The following NARS2 variants were observed in gnomAD, a reference collection of about 807,000 sequenced individuals.
NARS2 encodes the protein asparaginyl-tRNA synthetase.
NARS2 carries 60 observed loss-of-function variants against 62.9 expected under a neutral mutation model. That is an observed-to-expected ratio of 0.95 (90% confidence interval 0.77 to 1.18). The LOEUF (loss-of-function observed/expected upper bound fraction) is 1.18, where lower values mean the gene tolerates loss of function less well. NARS2 is among the 50% of genes most tolerant of loss of function. The probability of loss-of-function intolerance (pLI) is 0.00; values close to 1 mark genes in which losing one functional copy is unlikely to be tolerated. For missense variants in NARS2, 619 were observed against 576.4 expected, an observed-to-expected ratio of 1.07 and a Z score of -0.76; for synonymous variants, 196 against 200.0, an observed-to-expected ratio of 0.98 and a Z score of 0.17.
intron 6 of NARS2, among the ~76,000 whole-genome samples, chr11:78,520,453 G>A (rs1269136510): frequency 6.6e-6 from 1 of 152,174 alleles, no homozygotes; most frequent in East Asian, 1.9e-4. Flanking sequence ...CCCTAATCCA[G>A]TATGACATCA....
intron 5 of NARS2, among the ~76,000 whole-genome samples, chr11:78,532,639 TCTTA>T (rs1212639254): frequency 2.0e-5 from 3 of 152,214 alleles, no homozygotes; most frequent in African/African-American, 7.2e-5. Context: ...TAACCTTCTT[TCTTA>T]TTTTTCTTGC....
At chr11:78,544,359 C>T (rs1342289088) in intron 5 of NARS2, among the ~76,000 whole-genome samples, 1 of 152,092 alleles carries the variant, frequency 6.6e-6, no homozygotes, top group East Asian at 1.9e-4. Flanking sequence ...GGGTACTACC[C>T]CAAGTTTCAA....
chr11:78,543,291 T>C (rs1481949112), intron 5 of NARS2, among the ~76,000 whole-genome samples: 2 of 152,254 alleles, frequency 1.3e-5, no homozygotes, highest in Admixed American at 1.3e-4. Flanking sequence ...AAAGTGTCTC[T>C]TGAAGTCAAC....
In NARS2 at chr11:78,436,618, C is replaced by T; in HGVS notation, c.*52G>A. 3 of 1,575,044 alleles carry T rather than the reference C, an allele frequency of 1.9e-6. No individual in the cohort carries two copies. The highest frequency in any genetic ancestry group is 2.6e-6 in the Non-Finnish European group (3 of 1,146,970). The stretch of plus-strand genomic sequence containing the variant: ...ACATGCATTCTGCTGTATGCACAAT[C>T]ATGTGCAGTGTCTCTGCCATGGGGG... On this transcript the variant is annotated 3_prime_UTR_variant, in exon 14 of 14. Coordinates refer to ENST00000281038, the MANE Select transcript of NARS2 (RefSeq NM_024678.6).
chr11:78,553,044 A>T (rs1308382629), intron 5 of NARS2, among the ~76,000 whole-genome samples: 1 of 152,200 alleles, frequency 6.6e-6, no homozygotes, highest in African/African-American at 2.4e-5. Context: ...ACTGCTTTCC[A>T]CAATGGTTGA....
intron 7 of NARS2, among the ~76,000 whole-genome samples, chr11:78,479,076 T>C (rs1203188802): frequency 6.6e-6 from 1 of 152,152 alleles, no homozygotes; most frequent in Admixed American, 6.5e-5. Flanking sequence ...ACACTTAGCT[T>C]AGTACTGGCT....
chr11:78,540,445 T>C (rs1245063652), intron 5 of NARS2, among the ~76,000 whole-genome samples: 1 of 151,362 alleles, frequency 6.6e-6, no homozygotes, highest in African/African-American at 2.4e-5. Context: ...TAAATAGCAG[T>C]AAGCTGAACA....
intron 6 of NARS2, among the ~76,000 whole-genome samples, chr11:78,521,406 C>A (rs1424349264): frequency 1.3e-5 from 2 of 152,110 alleles, no homozygotes; most frequent in Non-Finnish European, 2.9e-5. Context: ...CTAGTGGCTT[C>A]AAGTGATCCT....
Position 78,516,770 on chromosome 11 carries a change from T to C in NARS2, c.689+12072A>G, listed in dbSNP as rs111740206. 8.9e-3 allele frequency among the ~76,000 whole-genome samples: 1,353 copies of C among 152,334 alleles called. 29 individuals are homozygous for C. The highest frequency in any genetic ancestry group is 0.031 in the African/African-American group (1,294 of 41,572). On this transcript the variant is annotated intron_variant, in intron 6 of 13. Transcript: ENST00000281038. ...AATAATTTCAATATTTTCTGATAAATAGAATTGATAGAAACCCCTTTCCAA... is the reference window on the plus strand; with the variant it reads ...AATAATTTCAATATTTTCTGATAAACAGAATTGATAGAAACCCCTTTCCAA...
intron 5 of NARS2, among the ~76,000 whole-genome samples, chr11:78,554,383 T>A (rs1296035458): frequency 6.6e-6 from 1 of 152,204 alleles, no homozygotes; most frequent in African/African-American, 2.4e-5. Flanking sequence ...TGATTCTTCC[T>A]ACCCATGAGC....
intron 5 of NARS2, among the ~76,000 whole-genome samples, chr11:78,547,539 T>G (rs1315293991): frequency 6.6e-6 from 1 of 152,006 alleles, no homozygotes; most frequent in South Asian, 2.1e-4. Flanking sequence ...GTGAACAAAA[T>G]GAACAAAGCA....
intron 4 of NARS2, among the ~76,000 whole-genome samples, chr11:78,565,741 A>G (rs1856721528): frequency 6.6e-6 from 1 of 152,202 alleles, no homozygotes; most frequent in African/African-American, 2.4e-5. Flanking sequence ...GGCTGGAAAC[A>G]ATACCTGTTC....
At position 78,469,277 on chromosome 11, in the gene NARS2, T is replaced by G; in HGVS notation, c.996A>C (p.Gln332His). The change falls in exon 10 of 14, where the codon CAA (glutamine) becomes CAC (histidine). Residue 332 changes from glutamine (Q) to histidine (H), a missense_variant. Transcript: ENST00000281038. ...SYTEAVEILK[Q>H]ASQNFTFTPE... Reference sequence around the variant, plus strand: ...GGGTAAAGGTGAAGTTCTGGGATGCTTGCTTTAAGATCTCCACTGCTTCAG... The same window carrying G: ...GGGTAAAGGTGAAGTTCTGGGATGCGTGCTTTAAGATCTCCACTGCTTCAG... The G allele has an allele frequency of 6.2e-7, 1 of 1,613,320 alleles. No homozygotes were observed. The highest frequency in any genetic ancestry group is 1.1e-5 in the South Asian group (1 of 91,048).
chr11:78,440,970 ACAG>A (rs1857560264), intron 13 of NARS2, 118 bp downstream of exon 13: 1 of 842,688 alleles, frequency 1.2e-6, no homozygotes, highest in African/African-American at 1.7e-5. Context: ...TGACCTAAGA[ACAG>A]TTAAGTTCAT....
intron 3 of NARS2, 22 bp downstream of exon 3, chr11:78,568,610 A>T (rs1055232182): frequency 9.9e-6 from 16 of 1,608,918 alleles, no homozygotes; most frequent in Non-Finnish European, 1.4e-5. Flanking sequence ...AACAGCCTCC[A>T]CAAAAGTGTC....
chr11:78,520,161 A>G (rs1224679695), intron 6 of NARS2, among the ~76,000 whole-genome samples: 1 of 152,246 alleles, frequency 6.6e-6, no homozygotes, highest in Non-Finnish European at 1.5e-5. Context: ...TTGGCTTAAA[A>G]CAACAGAAAT....
chr11:78,571,571 A>C (rs113012602), intron 1 of NARS2, 127 bp from the exon 2 acceptor site: 39 of 634,312 alleles, frequency 6.1e-5, no homozygotes, highest in African/African-American at 4.6e-4. Flanking sequence ...AACTTCTTTT[A>C]GTTCACCAAT....
intron 6 of NARS2, among the ~76,000 whole-genome samples, chr11:78,514,186 G>A (rs1190084259): frequency 5.9e-5 from 9 of 152,118 alleles, no homozygotes; most frequent in South Asian, 4.1e-4. Context: ...TCAGTGGCAC[G>A]ATCTCTGTTC....
chr11:78,566,452 C>T (rs1291163405), intron 3 of NARS2, among the ~76,000 whole-genome samples, 180 bp from the exon 4 acceptor site: 10 of 152,148 alleles, frequency 6.6e-5, no homozygotes, highest in Admixed American at 5.9e-4. Flanking sequence ...AATGGTAGGA[C>T]GGAATCAGAG....
Sources: allele counts gnomAD v4.1 joint callset (sites outside exome capture counted in the v4.1 genomes callset), GRCh38; gene constraint gnomAD v4.1.1; transcripts MANE v1.5; gene names NCBI Gene and HGNC (gene_info 2026-07-23, HGNC 2026-07-21).